Variants in SYN3 observed in about 807,000 individuals in gnomAD.
SYN3 encodes synapsin III, also known as synapsin-3.
A neutral mutation model predicts 65.8 loss-of-function variants in SYN3; 35 were observed. That is an observed-to-expected ratio of 0.53 (90% confidence interval 0.41 to 0.70). The LOEUF is 0.70. Ranked by LOEUF, SYN3 falls within the 30% of genes least tolerant of loss-of-function variation. The pLI is 0.00. For missense variants in SYN3, 680 were observed against 749.0 expected (o/e 0.91, Z 1.08); for synonymous variants, 270 against 292.9 (o/e 0.92, Z 0.80).
intron 3 of SYN3, among the ~76,000 whole-genome samples, chr22:32,948,092 T>G (rs780404762): frequency 1.3e-5 from 2 of 152,216 alleles, no homozygotes; most frequent in Admixed American, 6.5e-5. Context: ...CTGAGTACTT[T>G]TCACTTTTCA....
rs146215315 is a variant in SYN3, at chr22:32,903,921, T to C, written c.461+27469A>G. Among the ~76,000 whole-genome samples, 312 of 152,332 alleles carry C rather than the reference T, an allele frequency of 2.0e-3. 1 individual carries two copies. Among genetic ancestry groups the C allele is most frequent in the Non-Finnish European group, 3.6e-3 (246 of 68,024 alleles). ...TGGTTTGTTTTGCACCTACTATGTA[T>C]TGGGCCCCGGGCCAGGCCCAGTACA... On this transcript the variant is annotated intron_variant, in intron 4 of 13. Coordinates refer to ENST00000358763, the MANE Select transcript of SYN3 (RefSeq NM_003490.4).
chr22:32,926,916 T>G (rs1569332434), intron 4 of SYN3, among the ~76,000 whole-genome samples: 1 of 152,108 alleles, frequency 6.6e-6, no homozygotes, highest in Non-Finnish European at 1.5e-5. Context: ...CTCTCTGGGG[T>G]TCCACTACTA....
At chr22:32,653,595 T>C (rs1489325540) in intron 6 of SYN3, among the ~76,000 whole-genome samples, 1 of 151,972 alleles carries the variant, frequency 6.6e-6, no homozygotes, top group African/African-American at 2.4e-5. Flanking sequence ...GGAGGAGAAT[T>C]TTAGTTTGCT....
At chr22:32,995,362 A>G (rs1474374672) in intron 2 of SYN3, among the ~76,000 whole-genome samples, 1 of 152,268 alleles carries the variant, frequency 6.6e-6, no homozygotes, top group East Asian at 1.9e-4. Flanking sequence ...TCCAATGAAC[A>G]ATACATCATT....
intron 3 of SYN3, among the ~76,000 whole-genome samples, chr22:32,946,530 A>T (rs1277608794): frequency 1.2e-5 from 1 of 80,280 alleles, no homozygotes; most frequent in African/African-American, 5.0e-5. Flanking sequence ...CATCACACAT[A>T]GGGGCCTGTT....
At chr22:32,901,490 A>G (rs1267581675) in intron 4 of SYN3, among the ~76,000 whole-genome samples, 2 of 152,166 alleles carry the variant, frequency 1.3e-5, no homozygotes, top group Non-Finnish European at 2.9e-5. Context: ...TATCTTGGTG[A>G]ACCCTTCCCT....
chr22:33,009,050 A>T (rs930741015), intron 1 of SYN3, among the ~76,000 whole-genome samples: 5 of 151,620 alleles, frequency 3.3e-5, no homozygotes, highest in Admixed American at 1.3e-4. Flanking sequence ...TTGCTGCAAG[A>T]AATTTTTATT....
Position 33,006,743 on chromosome 22 carries a change from A to C in SYN3, c.-81T>G. 2 of 1,408,578 alleles carry C rather than the reference A, an allele frequency of 1.4e-6. No homozygotes were observed. Among genetic ancestry groups the C allele is most frequent in the Admixed American group, 2.3e-5 (1 of 43,584 alleles). The allele number at this position is 1,408,578 out of a possible 1,614,324, so 87.3% of individuals were successfully genotyped here. A position where few individuals can be genotyped will look rare whatever the true frequency, so the allele number is the denominator to read the frequency against. ...CAGAAGACAGGCTGCTGCCAGGTAC[A>C]GGGAGTGGTAGGACTTTAGCCAGAA... On this transcript the variant is annotated 5_prime_UTR_variant, in exon 2 of 14. Transcript: ENST00000358763.
chr22:32,564,455 T>C (rs1163020446), intron 7 of SYN3, among the ~76,000 whole-genome samples: 1 of 152,172 alleles, frequency 6.6e-6, no homozygotes, highest in Non-Finnish European at 1.5e-5. Flanking sequence ...CCAGGCATTG[T>C]TCTAAGTAAC....
chr22:32,508,383 T>C lies in SYN3; in HGVS notation c.*5309A>G, dbSNP rs1015863611. ...TCCCAAATCCTATAAAACGGCCCCA[T>C]CCCTACTCCCTTTGCTGACTCTCTT... On this transcript the variant is annotated 3_prime_UTR_variant, in exon 14 of 14. Coordinates refer to ENST00000358763, the MANE Select transcript of SYN3 (RefSeq NM_003490.4). Among the ~76,000 whole-genome samples, 139 of 152,114 alleles carry C rather than the reference T, an allele frequency of 9.1e-4. No homozygotes were observed. Among genetic ancestry groups the C allele is most frequent in the Admixed American group, 2.8e-3 (42 of 15,262 alleles).
intron 6 of SYN3, among the ~76,000 whole-genome samples, chr22:32,777,395 T>A (rs2045933520): frequency 3.3e-5 from 5 of 151,566 alleles, no homozygotes; most frequent in Admixed American, 3.3e-4. Context: ...TCTTTTTTTT[T>A]AATCCAATTA....
chr22:32,993,248 C>T (rs185218865), intron 2 of SYN3, among the ~76,000 whole-genome samples: 199 of 152,196 alleles, frequency 1.3e-3, no homozygotes, highest in African/African-American at 4.5e-3. Context: ...TGGAGGGGCC[C>T]GGGGATCCAG....
intron 4 of SYN3, among the ~76,000 whole-genome samples, chr22:32,899,506 A>C (rs1255547800): frequency 1.3e-5 from 2 of 152,194 alleles, no homozygotes; most frequent in African/African-American, 4.8e-5. Flanking sequence ...GCGTGTGTGC[A>C]GGGAATGAGG....
chr22:32,913,191 C>T (rs1411668476), intron 4 of SYN3, among the ~76,000 whole-genome samples: 9 of 150,008 alleles, frequency 6.0e-5, no homozygotes, highest in Non-Finnish European at 4.4e-5. Context: ...GATGGAGTCT[C>T]GCTCTGTCGC....
chr22:32,945,445 A>T (rs933333219), intron 3 of SYN3, among the ~76,000 whole-genome samples: 4 of 152,156 alleles, frequency 2.6e-5, no homozygotes, highest in Non-Finnish European at 1.5e-5. Flanking sequence ...TGGGGAAAGG[A>T]TTCCCTATTT....
chr22:32,887,108 G>A (rs1447197217), intron 4 of SYN3, among the ~76,000 whole-genome samples: 1 of 152,198 alleles, frequency 6.6e-6, no homozygotes, highest in Non-Finnish European at 1.5e-5. Context: ...AGGCCCACAT[G>A]ACTCATGCTT....
Position 32,883,101 on chromosome 22 carries a change from A to C in SYN3, c.462-13976T>G, listed in dbSNP as rs186346099. Among the ~76,000 whole-genome samples the C allele has an allele frequency of 1.6e-3, 251 of 152,314 alleles. 1 individual carries two copies. Among genetic ancestry groups the C allele is most frequent in the Admixed American group, 0.015 (228 of 15,294 alleles). On this transcript the variant is annotated intron_variant, in intron 4 of 13. Coordinates refer to ENST00000358763, the MANE Select transcript of SYN3 (RefSeq NM_003490.4). ...ATTGCAAGGAATCTAGAAGCTCAATAAAATTATGAAACTAAAGGGAGCTAT... is the reference window on the plus strand; with the variant it reads ...ATTGCAAGGAATCTAGAAGCTCAATCAAATTATGAAACTAAAGGGAGCTAT...
intron 6 of SYN3, chr22:32,859,446 C>A: frequency 6.6e-7 from 1 of 1,525,962 alleles, no homozygotes; most frequent in Middle Eastern, 1.7e-4. Context: ...TAACTCTTCC[C>A]AGATGATGAC....
chr22:32,895,350 T>C (rs558329325), intron 4 of SYN3, among the ~76,000 whole-genome samples: 1 of 152,324 alleles, frequency 6.6e-6, no homozygotes, highest in South Asian at 2.1e-4. Flanking sequence ...GATTCCATAA[T>C]CCAGTGAGCC....
Sources: gnomAD v4.1 joint callset for allele counts (sites outside exome capture counted in the v4.1 genomes callset) on GRCh38, gnomAD v4.1.1 for gene constraint, MANE v1.5 for transcripts, NCBI Gene and HGNC (gene_info 2026-07-23, HGNC 2026-07-21) for gene names.